Variants in DAG1 observed in about 807,000 individuals in gnomAD.
DAG1 encodes the protein dystroglycan 1 (dystrophin-associated glycoprotein 1).
Under a neutral mutation model 46.1 loss-of-function variants are expected in DAG1, and 8 were observed. That is an observed-to-expected ratio of 0.17 (90% confidence interval 0.10 to 0.31). The LOEUF is 0.31. Ranked by LOEUF, DAG1 falls within the 10% of genes least tolerant of loss-of-function variation. DAG1 has a pLI of 1.00. For missense variants in DAG1, 1,003 were observed against 1,189.9 expected (o/e 0.84, Z 2.31); for synonymous variants, 495 against 481.8 (o/e 1.03, Z -0.36).
At chr3:49,499,977 CTTT>C (rs1189123113) in intron 1 of DAG1, among the ~76,000 whole-genome samples, 1 of 141,070 alleles carries the variant, frequency 7.1e-6, no homozygotes. Context: ...ACTTCTTCTT[CTTT>C]TTTTTTTTTT....
chr3:49,498,861 A>G (rs1209318038), intron 1 of DAG1, among the ~76,000 whole-genome samples: 2 of 152,022 alleles, frequency 1.3e-5, no homozygotes, highest in African/African-American at 2.4e-5. Flanking sequence ...GGCATGCGCC[A>G]CCATGCCTGG....
chr3:49,530,690 C>T (rs2051314262), intron 2 of DAG1, 107 bp from the exon 3 acceptor site: 2 of 1,534,190 alleles, frequency 1.3e-6, no homozygotes, highest in Non-Finnish European at 1.8e-6. Context: ...AGCAGGCATT[C>T]TGAATTATAC....
At chr3:49,503,605 G>T (rs1414848493) in intron 1 of DAG1, among the ~76,000 whole-genome samples, 1 of 152,258 alleles carries the variant, frequency 6.6e-6, no homozygotes, top group East Asian at 1.9e-4. Flanking sequence ...GCCAAGGTGG[G>T]TGGATTGCTT....
intron 1 of DAG1, among the ~76,000 whole-genome samples, chr3:49,498,074 C>G (rs986111133): frequency 6.6e-6 from 1 of 152,116 alleles, no homozygotes; most frequent in Non-Finnish European, 1.5e-5. Context: ...TAGTGCTTGC[C>G]TCTCAGGGGT....
At chr3:49,473,946 G>A (rs943261907) in intron 1 of DAG1, among the ~76,000 whole-genome samples, 1 of 150,376 alleles carries the variant, frequency 6.6e-6, no homozygotes, top group African/African-American at 2.4e-5. Context: ...TGCAGTGGTG[G>A]GATCTTGGCT....
chr3:49,516,614 T>A (rs2050904281), intron 2 of DAG1, among the ~76,000 whole-genome samples: 1 of 152,230 alleles, frequency 6.6e-6, no homozygotes, highest in African/African-American at 2.4e-5. Context: ...TCTTAATTAT[T>A]GTGGTGTTCA....
At chr3:49,500,777 C>T (rs980177851) in intron 1 of DAG1, among the ~76,000 whole-genome samples, 1 of 152,212 alleles carries the variant, frequency 6.6e-6, no homozygotes, top group Non-Finnish European at 1.5e-5. Flanking sequence ...TCTTTTCTCC[C>T]ACAAGTTCTG....
At chr3:49,525,740 A>G (rs2051153409) in intron 2 of DAG1, among the ~76,000 whole-genome samples, 2 of 149,574 alleles carry the variant, frequency 1.3e-5, no homozygotes, top group Non-Finnish European at 3.0e-5. Flanking sequence ...TTTTATTTTT[A>G]GTAGAGACGG....
intron 1 of DAG1, among the ~76,000 whole-genome samples, chr3:49,477,967 AAAAAGTGG>A (rs1461320189): frequency 1.5e-4 from 23 of 150,954 alleles, no homozygotes; most frequent in Non-Finnish European, 2.9e-5. Context: ...CATCTCAAAA[AAAAAGTGG>A]AAAGAAAAGG....
chr3:49,469,772 T>G (rs1192007139), upstream of DAG1, among the ~76,000 whole-genome samples: 1 of 152,212 alleles, frequency 6.6e-6, no homozygotes, highest in African/African-American at 2.4e-5. Context: ...ATTGTTCTCA[T>G]GGCTTAGAAA....
chr3:49,528,275 A>AGTTTTTTTTTTTTTTTT (rs2051239058), intron 2 of DAG1, among the ~76,000 whole-genome samples: 1 of 66,660 alleles, frequency 1.5e-5, no homozygotes, highest in African/African-American at 6.9e-5. Context: ...AAATAGTGTG[A>AGTTTTTTTTTTTTTTTT]TTTTTTTTTT....
At chr3:49,525,408 C>G (rs1212499164) in intron 2 of DAG1, among the ~76,000 whole-genome samples, 1 of 152,160 alleles carries the variant, frequency 6.6e-6, no homozygotes, top group Admixed American at 6.5e-5. Context: ...TTTTAATTGG[C>G]TCATGGTTCT....
chr3:49,489,436 A>G (rs1430312933), intron 1 of DAG1, among the ~76,000 whole-genome samples: 1 of 152,130 alleles, frequency 6.6e-6, no homozygotes, highest in Non-Finnish European at 1.5e-5. Context: ...AGGACCAGAT[A>G]GTTGATGACA....
chr3:49,531,508 G>A lies in DAG1; in HGVS notation c.997G>A (p.Glu333Lys). ...AIGPPTTAIQ[E>K]PPSRIVPTPT... Reference sequence around the variant, plus strand: ...TGGGCCCCCAACCACGGCTATCCAGGAGCCCCCATCCAGGATCGTGCCAAC... The same window carrying A: ...TGGGCCCCCAACCACGGCTATCCAGAAGCCCCCATCCAGGATCGTGCCAAC... Residue 333 changes from glutamate to lysine, a missense_variant, in exon 3 of 3, where the codon GAG (glutamate) becomes AAG (lysine). Transcript: ENST00000308775. The surrounding 1 kb of genome is among the most constrained non-coding windows in gnomAD (Gnocchi z 7.0). 1.9e-6 allele frequency: 3 copies of A among 1,612,386 alleles called. No individual in the cohort carries two copies. The highest frequency in any genetic ancestry group is 2.5e-6 in the Non-Finnish European group (3 of 1,178,862).
intron 2 of DAG1, among the ~76,000 whole-genome samples, chr3:49,512,288 C>T (rs907799115): frequency 2.0e-5 from 3 of 152,218 alleles, no homozygotes; most frequent in African/African-American, 4.8e-5. Context: ...CTGCAACCTC[C>T]GCCTCCTGGG....
chr3:49,492,520 G>A (rs2050216239), intron 1 of DAG1, among the ~76,000 whole-genome samples: 1 of 152,070 alleles, frequency 6.6e-6, no homozygotes. Context: ...GTGGTGCCAT[G>A]TTTGTAATCC....
At chr3:49,518,534 C>G (rs1024221729) in intron 2 of DAG1, among the ~76,000 whole-genome samples, 4 of 152,158 alleles carry the variant, frequency 2.6e-5, no homozygotes, top group Admixed American at 1.3e-4. Flanking sequence ...ATACTTTACA[C>G]GTCAGTCTGC....
At chr3:49,479,550 C>T (rs531270827) in intron 1 of DAG1, among the ~76,000 whole-genome samples, 112 of 151,544 alleles carry the variant, frequency 7.4e-4, no homozygotes, top group Non-Finnish European at 1.2e-3. Flanking sequence ...CAGGTGATCC[C>T]GTCCGTCTTG....
intron 1 of DAG1, among the ~76,000 whole-genome samples, chr3:49,479,602 C>T (rs1304394053): frequency 6.7e-6 from 1 of 148,506 alleles, no homozygotes; most frequent in Non-Finnish European, 1.5e-5. Flanking sequence ...GATTCAGGCC[C>T]CTGCGCCGGC....
Sources: gnomAD v4.1 joint callset for allele counts (sites outside exome capture counted in the v4.1 genomes callset) on GRCh38, gnomAD v4.1.1 for gene constraint, Gnocchi (gnomAD v3.1) non-coding constraint, MANE v1.5 for transcripts, NCBI Gene and HGNC (gene_info 2026-07-23, HGNC 2026-07-21) for gene names.